Variants in TRIM71 observed in about 807,000 individuals in gnomAD.
TRIM71 encodes the protein tripartite motif containing 71.
A neutral mutation model predicts 61.2 loss-of-function variants in TRIM71; 9 were observed. That is an observed-to-expected ratio of 0.15 (90% confidence interval 0.09 to 0.26). The LOEUF (loss-of-function observed/expected upper bound fraction) is 0.26, where lower values mean the gene tolerates loss of function less well. TRIM71 is among the 10% of genes least tolerant of loss of function. The probability of loss-of-function intolerance (pLI) is 1.00; values close to 1 mark genes in which losing one functional copy is unlikely to be tolerated. For missense variants in TRIM71, 998 were observed against 1,238.7 expected (o/e 0.81, Z 2.92); for synonymous variants, 645 against 553.2 (o/e 1.17, Z -2.33).
intron 1 of TRIM71, among the ~76,000 whole-genome samples, chr3:32,842,582 A>G (rs1017047215): frequency 5.2e-5 from 8 of 152,386 alleles, no homozygotes; most frequent in Middle Eastern, 3.4e-3. Flanking sequence ...GATAGAGTCC[A>G]GACCCGTGCC....
intron 3 of TRIM71, among the ~76,000 whole-genome samples, chr3:32,887,500 T>C (rs1291028936): frequency 6.6e-6 from 1 of 150,612 alleles, no homozygotes; most frequent in Admixed American, 6.6e-5. Context: ...TTTTTTTTTT[T>C]TTCTGTTCCT....
chr3:32,873,758 T>A (rs199998622), intron 1 of TRIM71, 60 bp from the exon 2 acceptor site: 45 of 1,395,968 alleles, frequency 3.2e-5, no homozygotes, highest in Non-Finnish European at 4.1e-5. Context: ...CCAGTTGCTG[T>A]CTTCCCTCCT....
At chr3:32,835,162 C>G (rs922051180) in intron 1 of TRIM71, among the ~76,000 whole-genome samples, 1 of 152,202 alleles carries the variant, frequency 6.6e-6, no homozygotes, top group East Asian at 1.9e-4. Flanking sequence ...GGTTGAGTTT[C>G]AGGCTCTGCT....
chr3:32,855,511 C>T (rs1388730429), intron 1 of TRIM71, among the ~76,000 whole-genome samples: 1 of 151,804 alleles, frequency 6.6e-6, no homozygotes, highest in South Asian at 2.1e-4. Context: ...CGTGATATGT[C>T]TCTGACCTGT....
Position 32,895,313 on chromosome 3 carries a change from G to A in TRIM71, c.*3502G>A, listed in dbSNP as rs148384516. ...CACATAACAAAGGGTACCATAAACCGAATCCAAATTACGTGTTGGGCCAAA... is the reference window on the plus strand; with the variant it reads ...CACATAACAAAGGGTACCATAAACCAAATCCAAATTACGTGTTGGGCCAAA... On this transcript the variant is annotated 3_prime_UTR_variant, in exon 4 of 4. Coordinates refer to ENST00000383763, the MANE Select transcript of TRIM71 (RefSeq NM_001039111.3). 8 of 152,252 alleles carry A rather than the reference G, an allele frequency of 5.3e-5. No individual in the cohort carries two copies. Among genetic ancestry groups the A allele is most frequent in the East Asian group, 3.9e-4 (2 of 5,184 alleles). 9.4% of individuals were successfully genotyped at this position (152,252 alleles called of 1,614,324 possible).
At chr3:32,865,524 G>C (rs908475521) in intron 1 of TRIM71, among the ~76,000 whole-genome samples, 1 of 152,128 alleles carries the variant, frequency 6.6e-6, no homozygotes, top group Non-Finnish European at 1.5e-5. Context: ...AAAACTGGTC[G>C]AAGGCGTTTG....
rs1438142834 is a variant in TRIM71 at position 32,818,509 on chromosome 3, G to A, written c.429G>A (p.Ala143=). ...GGCGCGCCGGCGCTCCGGCGGGAGC[G>A]GGCGGCCACAGCAACCACCGGCACC... ...KNGRAGAPAG[A]GGHSNHRHHA... Residue 143 remains alanine, a synonymous_variant, in exon 1 of 4, where the codon GCG becomes GCA. Coordinates refer to ENST00000383763, the MANE Select transcript of TRIM71 (RefSeq NM_001039111.3). 4 of 1,417,196 alleles carry A rather than the reference G, an allele frequency of 2.8e-6. No homozygotes were observed. In the East Asian group the frequency reaches 1.3e-4, roughly 46 times the overall value. 87.8% of individuals were successfully genotyped at this position (1,417,196 alleles called of 1,614,324 possible).
At chr3:32,821,630 T>A (rs1184643962) in intron 1 of TRIM71, among the ~76,000 whole-genome samples, 1 of 152,154 alleles carries the variant, frequency 6.6e-6, no homozygotes, top group African/African-American at 2.4e-5. Flanking sequence ...AACAACATAG[T>A]TGGGGCTTTT....
intron 2 of TRIM71, among the ~76,000 whole-genome samples, chr3:32,877,957 T>C (rs1223668079): frequency 6.6e-6 from 1 of 152,186 alleles, no homozygotes; most frequent in Non-Finnish European, 1.5e-5. Flanking sequence ...ATCTCCAGTT[T>C]TAGTATATGT....
At chr3:32,841,583 A>C (rs1314050985) in intron 1 of TRIM71, among the ~76,000 whole-genome samples, 2 of 152,024 alleles carry the variant, frequency 1.3e-5, no homozygotes, top group Non-Finnish European at 2.9e-5. Context: ...ACTTCACTGC[A>C]CTCCAGCGTG....
rs564253486 is a variant in TRIM71, at chr3:32,857,903, G to A, written c.853-15915G>A. Among the ~76,000 whole-genome samples the A allele has an allele frequency of 6.6e-5, 10 of 152,160 alleles. No homozygotes were observed. In the East Asian group the frequency reaches 1.2e-3, roughly 18 times the overall value. ...TGAGAATCGCTTGAACCCAGGAGGC[G>A]GAGGCTGCAGCAAGCCGAGATCGCA... On this transcript the variant is annotated intron_variant, in intron 1 of 3. Coordinates refer to ENST00000383763, the MANE Select transcript of TRIM71 (RefSeq NM_001039111.3).
chr3:32,850,249 C>T (rs182536170), intron 1 of TRIM71, among the ~76,000 whole-genome samples: 1 of 151,166 alleles, frequency 6.6e-6, no homozygotes. Flanking sequence ...GTTTGCATTG[C>T]TAATTGGGAA....
intron 1 of TRIM71, among the ~76,000 whole-genome samples, chr3:32,855,480 G>T (rs983005584): frequency 3.9e-5 from 6 of 152,150 alleles, no homozygotes; most frequent in Non-Finnish European, 8.8e-5. Flanking sequence ...AGCCTCTGGA[G>T]GGTTTTAAAG....
rs117745364 is a variant in TRIM71, at chr3:32,831,380, A to G, written c.852+12448A>G. ...ACCTATTTGTGGGGAGCTCTTTCAC[A>G]TGAAGGTTCTTTGAAAGAGCTAGAA... is the stretch of plus-strand genomic sequence containing the variant. On this transcript the variant is annotated intron_variant, in intron 1 of 3. Coordinates refer to ENST00000383763, the MANE Select transcript of TRIM71 (RefSeq NM_001039111.3). Among the ~76,000 whole-genome samples the G allele has an allele frequency of 9.9e-5, 15 of 152,274 alleles. No individual in the cohort carries two copies. The East Asian group carries it at 2.1e-3, about 22-fold the overall frequency.
intron 1 of TRIM71, among the ~76,000 whole-genome samples, chr3:32,825,599 T>TC (rs1261787639): frequency 6.6e-6 from 1 of 152,026 alleles, no homozygotes; most frequent in Non-Finnish European, 1.5e-5. Flanking sequence ...AAATACTGCT[T>TC]CCCCCCTTCT....
chr3:32,850,968 T>C lies in TRIM71; in HGVS notation c.853-22850T>C, dbSNP rs73044168. Among the ~76,000 whole-genome samples the C allele has an allele frequency of 5.1e-3, 777 of 152,298 alleles. 5 individuals carry two copies. Among genetic ancestry groups the C allele is most frequent in the Non-Finnish European group, 8.6e-3 (587 of 68,032 alleles). ...AGGGGTTTAAATAGAAAAGGTGTTCTCTATCAAAATACACAAAATGAAAAA... is the reference window on the plus strand; with the variant it reads ...AGGGGTTTAAATAGAAAAGGTGTTCCCTATCAAAATACACAAAATGAAAAA... On this transcript the variant is annotated intron_variant, in intron 1 of 3. Coordinates refer to ENST00000383763, the MANE Select transcript of TRIM71 (RefSeq NM_001039111.3).
chr3:32,888,877 G>C (rs1302762207), intron 3 of TRIM71, among the ~76,000 whole-genome samples: 1 of 152,084 alleles, frequency 6.6e-6, no homozygotes, highest in Non-Finnish European at 1.5e-5. Context: ...CCTACTGAAA[G>C]CTGTGGTTGT....
chr3:32,818,303 C>G lies in TRIM71; in HGVS notation c.223C>G (p.Leu75Val). The change falls in exon 1 of 4, where the codon CTG becomes GTG. Residue 75 changes from leucine (L) to valine (V), a missense_variant. Around this residue, in one of 5 missense-constraint regions of TRIM71, gnomAD observed 527 missense variants for 427.8 expected, o/e 1.23. Transcript: ENST00000383763. ...CCGCCCCTGCCTCGAGGCGCACCGG[C>G]TGCCGGCGGCGGGCGGCGGCGCGGC... Reference protein sequence around the residue: ...FCRPCLEAHRLPAAGGGAAGE... With the variant: ...FCRPCLEAHRVPAAGGGAAGE... 7.0e-7 allele frequency: 1 copy of G among 1,434,866 alleles called. No individual in the cohort carries two copies. The highest frequency in any genetic ancestry group is 1.4e-5 in the South Asian group (1 of 72,724). The allele number at this position is 1,434,866 out of a possible 1,614,324, so 88.9% of individuals were successfully genotyped here. A position where few individuals can be genotyped will look rare whatever the true frequency, so the allele number is the denominator to read the frequency against.
chr3:32,838,576 A>G (rs1696362409), intron 1 of TRIM71, among the ~76,000 whole-genome samples: 1 of 148,552 alleles, frequency 6.7e-6, no homozygotes, highest in Non-Finnish European at 1.5e-5. Flanking sequence ...TGGAGAAGTG[A>G]AGTCCTAACG....
Sources: allele counts gnomAD v4.1 joint callset (sites outside exome capture counted in the v4.1 genomes callset), GRCh38; gene constraint gnomAD v4.1.1; regional missense constraint gnomAD v4.1.1; transcripts MANE v1.5; gene names NCBI Gene and HGNC (gene_info 2026-07-23, HGNC 2026-07-21).